ZAN: variants seen among roughly 807,000 people sequenced by gnomAD.
The protein encoded by ZAN is zonadhesin, also known as zonadhesin (gene/pseudogene).
ZAN carries 260 observed loss-of-function variants against 286.2 expected under a neutral mutation model. The observed-to-expected ratio is 0.91, with a 90% CI of 0.82 to 1.01. The LOEUF (loss-of-function observed/expected upper bound fraction) is 1.01. Among genes scored for constraint, ZAN ranks in the 50% least tolerant of loss-of-function variants. ZAN has a pLI of 0.00. For synonymous variants in ZAN, 1,368 were observed against 1,417.5 expected (o/e 0.97, Z 0.79); for missense variants, 3,410 against 3,639.2 (o/e 0.94, Z 1.62).
intron 37 of ZAN, among the ~76,000 whole-genome samples, chr7:100,786,943 T>G (rs1811598993): frequency 1.3e-5 from 2 of 152,130 alleles, no homozygotes; most frequent in Non-Finnish European, 2.9e-5. Context: ...GTGCCTGTAG[T>G]CCCAGCTACT....
intron 42 of ZAN, among the ~76,000 whole-genome samples, chr7:100,793,308 A>G (rs1248704332): frequency 1.3e-5 from 2 of 151,348 alleles, no homozygotes; most frequent in Non-Finnish European, 2.9e-5. Context: ...CAGCCTGGGC[A>G]CTCCAGCCTG....
In ZAN at chr7:100,753,247, CG is replaced by C; in HGVS notation, c.3124+19del. The C allele has an allele frequency of 6.4e-7, 1 of 1,553,058 alleles. No individual in the cohort carries two copies. Among genetic ancestry groups the C allele is most frequent in the Non-Finnish European group, 8.7e-7 (1 of 1,152,162 alleles). Reference sequence around the variant, plus strand: ...CAGTACAGGTATGAGGTGGATGGAGCGTGGGCCAAGGCTGAAAGTCAGAGAC... The same window carrying C: ...CAGTACAGGTATGAGGTGGATGGAGCTGGGCCAAGGCTGAAAGTCAGAGAC... On this transcript the variant is annotated intron_variant, in intron 14 of 47. Transcript: ENST00000613979.
At chr7:100,751,605 G>GAGGT (rs1661651870) in intron 13 of ZAN, 107 bp from the exon 14 acceptor site, 1 of 1,219,586 alleles carries the variant, frequency 8.2e-7, no homozygotes, top group African/African-American at 1.5e-5. Context: ...AGTAGAAAGA[G>GAGGT]AGGTGTGAAT....
intron 36 of ZAN, 25 bp downstream of exon 36, chr7:100,784,859 T>C (rs1397598228): frequency 1.9e-6 from 3 of 1,559,128 alleles, no homozygotes; most frequent in African/African-American, 2.7e-5. Flanking sequence ...GAAATGGGAC[T>C]GGAGGCAACA....
At position 100,738,480 on chromosome 7, in the gene ZAN, CA is replaced by C. The variant is rs749912066; in HGVS notation, c.634del (p.Ser212AlafsTer65). 2.0e-6 allele frequency: 3 copies of C among 1,475,104 alleles called. No homozygotes were observed. The highest frequency in any genetic ancestry group is 1.8e-6 in the Non-Finnish European group (2 of 1,082,314). 91.4% of individuals were successfully genotyped at this position (1,475,104 alleles called of 1,614,324 possible). A position where few individuals can be genotyped will look rare whatever the true frequency, so the allele number is the denominator to read the frequency against. ...TCTCAGTCTGTATGATGCAAACATG[CA>C]GCTTTGACATTCCAAATGACCTCTG... ...CNRVCMMQTCSFDIPNDLCDW... is the reference protein window; with the variant it reads ...CNRVCMMQTCXFDIPNDLCDW... On this transcript the variant is annotated frameshift_variant, in exon 7 of 48. Coordinates refer to ENST00000613979, the MANE Select transcript of ZAN (RefSeq NM_003386.3). LOFTEE classifies it high-confidence loss of function.
In ZAN at chr7:100,788,700, A is replaced by G. The variant is rs550407984; in HGVS notation, c.7228-518A>G. On this transcript the variant is annotated intron_variant, in intron 38 of 47. Coordinates refer to ENST00000613979, the MANE Select transcript of ZAN (RefSeq NM_003386.3). ...AGAACCAATGGCATCCACTACACCAATGTATTTTTATTTTTTGAGGCAGAG... is the reference window on the plus strand; with the variant it reads ...AGAACCAATGGCATCCACTACACCAGTGTATTTTTATTTTTTGAGGCAGAG... Among the ~76,000 whole-genome samples the G allele has an allele frequency of 1.1e-4, 16 of 152,022 alleles. 2 individuals are homozygous for G. The highest frequency in any genetic ancestry group is 9.2e-4 in the Admixed American group (14 of 15,242).
chr7:100,787,251 T>G (rs1417976813), intron 37 of ZAN, among the ~76,000 whole-genome samples: 6 of 145,468 alleles, frequency 4.1e-5, no homozygotes, highest in Non-Finnish European at 8.9e-5. Context: ...CAATGTAGTG[T>G]GGCCATTTCT....
chr7:100,776,718 CTTT>C (rs1161585746), intron 34 of ZAN, among the ~76,000 whole-genome samples, 154 bp downstream of exon 34: 1 of 47,508 alleles, frequency 2.1e-5, no homozygotes, highest in Non-Finnish European at 3.5e-5. Context: ...CCTCTCCTTT[CTTT>C]TTTTTTTTTT....
In ZAN at chr7:100,795,238, G is replaced by C; in HGVS notation, c.8168G>C (p.Cys2723Ser). Residue 2723 changes from cysteine (C) to serine (S), a missense_variant, in exon 45 of 48, where the codon TGT becomes TCT. Coordinates refer to ENST00000613979, the MANE Select transcript of ZAN (RefSeq NM_003386.3). ...LQNPCQNDGQ[C>S]REQGATFTCE... The stretch of plus-strand genomic sequence containing the variant: ...AACCCCTGTCAGAATGACGGGCAGT[G>C]TCGGGAGCAGGGAGCCACCTTCACC... 6.2e-7 allele frequency: 1 copy of C among 1,611,374 alleles called. No individual in the cohort carries two copies. Among genetic ancestry groups the C allele is most frequent in the Non-Finnish European group, 8.5e-7 (1 of 1,178,822 alleles).
chr7:100,752,810 C>T lies in ZAN; in HGVS notation c.2705C>T (p.Pro902Leu). 6.3e-7 allele frequency: 1 copy of T among 1,594,844 alleles called. No individual in the cohort carries two copies. The highest frequency in any genetic ancestry group is 2.3e-5 in the East Asian group (1 of 44,096). The change falls in exon 14 of 48, where the codon CCC becomes CTC. Residue 902 changes from proline to leucine, a missense_variant. By Grantham distance (98) the Pro-to-Leu change is moderately conservative (BLOSUM62 -3). Coordinates refer to ENST00000613979, the MANE Select transcript of ZAN (RefSeq NM_003386.3). ...ATCTCCACAGAAAAACTCACCATCC[C>T]CACAGAAAAACCCACCATCTCCCCA... Reference protein sequence around the residue: ...TTISTEKLTIPTEKPTISPEK... With the variant: ...TTISTEKLTILTEKPTISPEK...
At chr7:100,790,351 A>G (rs1435163704) in intron 39 of ZAN, among the ~76,000 whole-genome samples, 1 of 151,426 alleles carries the variant, frequency 6.6e-6, no homozygotes, top group African/African-American at 2.4e-5. Flanking sequence ...TCACGAGGTC[A>G]GGAGATCGAG....
In ZAN at chr7:100,773,248, G is replaced by A. The variant is rs758818406; in HGVS notation, c.5426-37G>A. On this transcript the variant is annotated intron_variant, in intron 29 of 47. Coordinates refer to ENST00000613979, the MANE Select transcript of ZAN (RefSeq NM_003386.3). ...GCCCCAAGGTTTGGGGGCTGGACAT[G>A]CCACCCCACTCTTCCTAATGCTCTC... 9.4e-6 allele frequency: 15 copies of A among 1,603,372 alleles called. No homozygotes were observed. In the Admixed American group the frequency reaches 2.0e-4, roughly 21 times the overall value.
intron 7 of ZAN, 43 bp from the exon 8 acceptor site, chr7:100,746,495 C>T (rs772949625): frequency 1.2e-6 from 2 of 1,606,682 alleles, no homozygotes; most frequent in East Asian, 2.2e-5. Context: ...GCCATCTTCC[C>T]TCAATTCCAT....
In ZAN at chr7:100,742,967, C is replaced by G. The variant is rs1807917943; in HGVS notation, c.767-3571C>G. Among the ~76,000 whole-genome samples the G allele has an allele frequency of 1.7e-5, 2 of 119,740 alleles. 1 individual carries two copies. The highest frequency in any genetic ancestry group is 4.7e-4 in the East Asian group (2 of 4,268). 78.6% of individuals were successfully genotyped at this position (119,740 alleles called of 152,430 possible). A position where few individuals can be genotyped will look rare whatever the true frequency, so the allele number is the denominator to read the frequency against. ...TCCACTGAGGAGAACAGGCAAGGGT[C>G]GATGCAGAGAGGCTGTTTAGGAGGC... On this transcript the variant is annotated intron_variant, in intron 7 of 47. Coordinates refer to ENST00000613979, the MANE Select transcript of ZAN (RefSeq NM_003386.3).
chr7:100,751,687 C>A (rs775766077), intron 13 of ZAN, 25 bp from the exon 14 acceptor site: 5 of 1,560,048 alleles, frequency 3.2e-6, no homozygotes, highest in South Asian at 1.2e-5. Flanking sequence ...GACTAAACTC[C>A]AGGGATTCTT....
At chr7:100,761,145 C>T (rs912640158) in intron 19 of ZAN, among the ~76,000 whole-genome samples, 8 of 152,090 alleles carry the variant, frequency 5.3e-5, no homozygotes, top group Admixed American at 2.6e-4. Flanking sequence ...CCTCCTGCCT[C>T]GGCCTCCCAA....
rs141841425 is a variant in ZAN, at chr7:100,764,043, G to T, written c.4114G>T (p.Val1372Leu). Residue 1372 changes from valine (V) to leucine (L), a missense_variant, in exon 22 of 48, where the codon GTG (valine) becomes TTG (leucine). Physicochemically the swap from Val to Leu is conservative, Grantham distance 32. Around this residue, in one of 7 missense-constraint regions of ZAN, gnomAD observed 1,042 missense variants for 1,058.0 expected, o/e 0.98. Transcript: ENST00000613979. ...HGPFETCLLH[V>L]KAASFFDSCM... is the part of the protein sequence containing the mutation. ...TCCCCTCAGGACATGCCTGCTGCAC[G>T]TGAAGGCCGCTTCCTTCTTCGACAG... The T allele has an allele frequency of 4.3e-6, 7 of 1,613,856 alleles. 1 individual carries two copies. In the South Asian group the frequency reaches 7.7e-5, roughly 18 times the overall value.
At chr7:100,775,211 C>G in intron 31 of ZAN, 117 bp from the exon 32 acceptor site, 1 of 1,444,018 alleles carries the variant, frequency 6.9e-7, no homozygotes, top group South Asian at 1.4e-5. Context: ...CTGCGCACAG[C>G]CGGACCTGGG....
chr7:100,737,461 C>CT, intron 6 of ZAN, 112 bp downstream of exon 6: 1 of 742,990 alleles, frequency 1.3e-6, no homozygotes. Flanking sequence ...AATCCCAGCA[C>CT]TTTGGGAGGC....
Sources: allele counts gnomAD v4.1 joint callset (sites outside exome capture counted in the v4.1 genomes callset), GRCh38; gene constraint gnomAD v4.1.1; regional missense constraint gnomAD v4.1.1; transcripts MANE v1.5; gene names NCBI Gene and HGNC (gene_info 2026-07-23, HGNC 2026-07-21).